SEMA5B: variants seen among roughly 807,000 people sequenced by gnomAD.
SEMA5B encodes the protein semaphorin 5B.
A neutral mutation model predicts 135.0 loss-of-function variants in SEMA5B; 66 were observed. That is an observed-to-expected ratio of 0.49 (90% CI 0.40 to 0.60). SEMA5B has a LOEUF of 0.60. Ranked by LOEUF, SEMA5B falls within the 20% of genes least tolerant of loss-of-function variation. SEMA5B has a pLI of 0.00. For synonymous variants in SEMA5B, 690 were observed against 639.5 expected, an observed-to-expected ratio of 1.08 and a Z score of -1.19; for missense variants, 1,501 against 1,566.3, an observed-to-expected ratio of 0.96 and a Z score of 0.70.
chr3:122,911,193 C>T, intron 21 of SEMA5B, 148 bp from the exon 22 acceptor site: 1 of 1,005,632 alleles, frequency 9.9e-7, no homozygotes, highest in Non-Finnish European at 1.4e-6. Flanking sequence ...AACAGGGAGG[C>T]TGGGGAGGCT....
chr3:122,912,059 C>G lies in SEMA5B; in HGVS notation c.2907G>C (p.Ser969=), dbSNP rs144363900. 6.2e-7 allele frequency: 1 copy of G among 1,612,090 alleles called. No individual in the cohort carries two copies. Among genetic ancestry groups the G allele is most frequent in the African/African-American group, 1.3e-5 (1 of 75,012 alleles). The change falls in exon 20 of 23, where the codon TCG becomes TCC. Residue 969 remains serine (S), a synonymous_variant. Transcript: ENST00000357599. The part of the protein sequence containing the change: ...CATQACPEGW[S]PWSEWSKCTD... ...TGCACTTACTCCACTCAGACCAGGG[C>G]GACCAGCCTTCTGGGGATTGTGGGT...
At chr3:122,934,257 A>G (rs1295088654) in intron 5 of SEMA5B, among the ~76,000 whole-genome samples, 5 of 150,688 alleles carry the variant, frequency 3.3e-5, no homozygotes, top group East Asian at 1.9e-4. Context: ...TGTAATACCT[A>G]AAGAATTAAA....
At chr3:122,935,710 T>TTTTTTTTTTTTTTTTTTTAA in intron 5 of SEMA5B, among the ~76,000 whole-genome samples, 1 of 88,526 alleles carries the variant, frequency 1.1e-5, no homozygotes, top group Non-Finnish European at 2.5e-5. Context: ...TTTTTTTTTT[T>TTTTTTTTTTTTTTTTTTTAA]GACAGATTCT....
chr3:122,913,316 G>T lies in SEMA5B; in HGVS notation c.2389C>A (p.Arg797=), dbSNP rs769884628. Residue 797 remains arginine (R), a synonymous_variant, in exon 17 of 23, where the codon CGG becomes AGG. Coordinates refer to ENST00000357599, the MANE Select transcript of SEMA5B (RefSeq NM_001031702.4). ...VTQGGARQEQ[R]FRFTCRAPLA... is the part of the protein sequence containing the mutation. Reference sequence around the variant, plus strand: ...GGCGCGCGGCAGGTGAAGCGGAACCGCTGCTCCTGCCGTGCCCCGCCCTGC... The same window carrying T: ...GGCGCGCGGCAGGTGAAGCGGAACCTCTGCTCCTGCCGTGCCCCGCCCTGC... 3.2e-6 allele frequency: 5 copies of T among 1,570,652 alleles called. 1 individual carries two copies. The highest frequency in any genetic ancestry group is 2.7e-5 in the African/African-American group (2 of 74,380).
intron 1 of SEMA5B, among the ~76,000 whole-genome samples, chr3:122,998,363 C>G (rs557501425): frequency 5.3e-5 from 8 of 152,226 alleles, no homozygotes; most frequent in East Asian, 3.9e-4. Context: ...AGAACCTTGC[C>G]GAATCCTGAT....
At chr3:123,017,453 T>C (rs979133561) in intron 1 of SEMA5B, among the ~76,000 whole-genome samples, 2 of 152,320 alleles carry the variant, frequency 1.3e-5, no homozygotes, top group Middle Eastern at 3.4e-3. Context: ...TTCAAACCCA[T>C]ACTCATTCCA....
At chr3:122,966,254 C>T (rs1940812703) in intron 1 of SEMA5B, among the ~76,000 whole-genome samples, 1 of 152,180 alleles carries the variant, frequency 6.6e-6, no homozygotes, top group Non-Finnish European at 1.5e-5. Flanking sequence ...TTTCAGCCTC[C>T]AGGACCTACC....
At chr3:122,997,593 CT>C (rs1942055745) in intron 1 of SEMA5B, among the ~76,000 whole-genome samples, 1 of 151,648 alleles carries the variant, frequency 6.6e-6, no homozygotes, top group Non-Finnish European at 1.5e-5. Flanking sequence ...TTAAGTCATC[CT>C]GATTTTATTA....
chr3:122,924,059 G>C (rs2107644556), intron 9 of SEMA5B, among the ~76,000 whole-genome samples: 1 of 152,220 alleles, frequency 6.6e-6, no homozygotes, highest in Middle Eastern at 3.4e-3. Flanking sequence ...ACCGTGGTAA[G>C]AGATATATTT....
chr3:122,960,295 T>C (rs947224589), intron 2 of SEMA5B, among the ~76,000 whole-genome samples: 6 of 152,216 alleles, frequency 3.9e-5, no homozygotes, highest in Non-Finnish European at 5.9e-5. Flanking sequence ...AGATGGATGG[T>C]GGTGATGCTT....
chr3:122,971,824 C>T (rs566684408), intron 1 of SEMA5B, among the ~76,000 whole-genome samples: 1 of 152,228 alleles, frequency 6.6e-6, no homozygotes. Flanking sequence ...CTCCTGAACT[C>T]GTCAATAGAC....
chr3:122,952,048 C>T (rs909498824), intron 2 of SEMA5B, among the ~76,000 whole-genome samples: 1 of 152,186 alleles, frequency 6.6e-6, no homozygotes, highest in African/African-American at 2.4e-5. Context: ...CTGGTCTGCA[C>T]CCCACAGGGA....
intron 1 of SEMA5B, among the ~76,000 whole-genome samples, chr3:122,998,413 C>A (rs953468887): frequency 6.6e-6 from 1 of 152,182 alleles, no homozygotes; most frequent in Non-Finnish European, 1.5e-5. Context: ...CCAGTCACTG[C>A]TCTGAGCCTC....
intron 1 of SEMA5B, among the ~76,000 whole-genome samples, chr3:123,014,062 C>A (rs1158017523): frequency 2.0e-5 from 3 of 152,174 alleles, no homozygotes; most frequent in Admixed American, 1.3e-4. Context: ...GGCCGGGACA[C>A]ACATCTAGGG....
intron 12 of SEMA5B, among the ~76,000 whole-genome samples, chr3:122,916,102 A>G (rs1938064762): frequency 6.6e-6 from 1 of 152,234 alleles, no homozygotes; most frequent in African/African-American, 2.4e-5. Context: ...ACCCCAATGA[A>G]GTGGGTACTG....
rs1937856887 is a variant in SEMA5B, at chr3:122,913,265, A to T, written c.2440T>A (p.Phe814Ile). ...APLADPHGLQFGRRRTETRTC... is the reference protein window; with the variant it reads ...APLADPHGLQIGRRRTETRTC... ...CTCGTCTCGGTCCTTCTCCTGCCGA[A>T]CTGCAGGCCGTGCGGGTCTGCAAGG... The change falls in exon 17 of 23, where the codon TTC becomes ATC. Residue 814 changes from phenylalanine to isoleucine, a missense_variant. By Grantham distance (21) the Phe-to-Ile change is conservative (BLOSUM62 0). Around this residue, in one of 2 missense-constraint regions of SEMA5B, gnomAD observed 927 missense variants for 881.6 expected, o/e 1.05. Coordinates refer to ENST00000357599, the MANE Select transcript of SEMA5B (RefSeq NM_001031702.4). The T allele has an allele frequency of 6.3e-7, 1 of 1,585,248 alleles. No individual in the cohort carries two copies. The highest frequency in any genetic ancestry group is 8.5e-7 in the Non-Finnish European group (1 of 1,174,338).
intron 1 of SEMA5B, among the ~76,000 whole-genome samples, chr3:122,992,634 C>G (rs778104681): frequency 6.6e-6 from 1 of 152,188 alleles, no homozygotes; most frequent in Non-Finnish European, 1.5e-5. Flanking sequence ...ATTGGCCCTG[C>G]TCCCTAGATC....
intron 1 of SEMA5B, among the ~76,000 whole-genome samples, chr3:122,991,636 G>C (rs1941880261): frequency 1.3e-5 from 2 of 151,786 alleles, no homozygotes; most frequent in South Asian, 4.2e-4. Context: ...CATGATTACT[G>C]AGTTGTAAGA....
At chr3:122,973,299 C>A (rs1163282025) in intron 1 of SEMA5B, among the ~76,000 whole-genome samples, 1 of 152,214 alleles carries the variant, frequency 6.6e-6, no homozygotes, top group Non-Finnish European at 1.5e-5. Flanking sequence ...GCCTCTAGTG[C>A]CCTGAGGAGA....
Sources: allele counts gnomAD v4.1 joint callset (sites outside exome capture counted in the v4.1 genomes callset), GRCh38; gene constraint gnomAD v4.1.1; regional missense constraint gnomAD v4.1.1; transcripts MANE v1.5; gene names NCBI Gene and HGNC (gene_info 2026-07-23, HGNC 2026-07-21).